SEMA3E: variants seen among roughly 807,000 people sequenced by gnomAD.
The protein encoded by SEMA3E is semaphorin 3E, also known as semaphorin-3E.
In SEMA3E, 49 loss-of-function variants were observed where a neutral mutation model predicts 93.6. The ratio of observed to expected loss-of-function variants is 0.52; its 90% CI spans 0.42 to 0.66. The LOEUF (loss-of-function observed/expected upper bound fraction) is 0.66. Among genes scored for constraint, SEMA3E ranks in the 30% least tolerant of loss-of-function variants. The pLI is 0.00. For synonymous variants in SEMA3E, 363 were observed against 330.7 expected, an observed-to-expected ratio of 1.10 and a Z score of -1.06; for missense variants, 906 against 964.8, an observed-to-expected ratio of 0.94 and a Z score of 0.81.
chr7:83,453,954 AC>A (rs1789420144), intron 4 of SEMA3E, among the ~76,000 whole-genome samples: 8 of 139,040 alleles, frequency 5.8e-5, no homozygotes, highest in South Asian at 2.3e-4. Context: ...TTTTATTTTT[AC>A]CTACTATTAA....
chr7:83,441,485 A>G (rs1373457909), intron 4 of SEMA3E, among the ~76,000 whole-genome samples: 1 of 152,212 alleles, frequency 6.6e-6, no homozygotes, highest in Non-Finnish European at 1.5e-5. Flanking sequence ...AAGAATTTAG[A>G]AAATAAGTAC....
At chr7:83,486,877 A>G (rs956768136) in intron 2 of SEMA3E, among the ~76,000 whole-genome samples, 12 of 152,070 alleles carry the variant, frequency 7.9e-5, no homozygotes, top group Non-Finnish European at 1.5e-4. Flanking sequence ...CCCAAGTTGT[A>G]TACATTTTGG....
chr7:83,538,034 T>A (rs1299752094), intron 1 of SEMA3E, among the ~76,000 whole-genome samples: 1 of 152,206 alleles, frequency 6.6e-6, no homozygotes, highest in Non-Finnish European at 1.5e-5. Context: ...TACATCCAAG[T>A]AGTAGCATAT....
Position 83,436,841 on chromosome 7 carries a change from G to T in SEMA3E, c.457-18358C>A, listed in dbSNP as rs909599324. On this transcript the variant is annotated intron_variant, in intron 4 of 16. Coordinates refer to ENST00000643230, the MANE Select transcript of SEMA3E (RefSeq NM_012431.3). ...TCTATATGGGTGGTTGTATTAGTCC[G>T]TTTTTATGCTGCTGATGAAGACATA... 2.0e-5 allele frequency among the ~76,000 whole-genome samples: 3 copies of T among 152,110 alleles called. No homozygotes were observed. The South Asian group carries it at 6.2e-4, about 32-fold the overall frequency.
intron 2 of SEMA3E, among the ~76,000 whole-genome samples, chr7:83,484,993 G>A (rs941310382): frequency 6.6e-6 from 1 of 152,168 alleles, no homozygotes; most frequent in African/African-American, 2.4e-5. Flanking sequence ...AGTGATGGAA[G>A]TGGAACTCTG....
At chr7:83,575,962 A>T (rs1166549407) in intron 1 of SEMA3E, among the ~76,000 whole-genome samples, 2 of 152,198 alleles carry the variant, frequency 1.3e-5, no homozygotes, top group Admixed American at 1.3e-4. Context: ...ATTGAATTGC[A>T]TAGTTTTAAG....
At chr7:83,600,486 ATTTTTTTTTTTTTTT>A (rs71522671) in intron 1 of SEMA3E, among the ~76,000 whole-genome samples, 27 of 63,076 alleles carry the variant, frequency 4.3e-4, no homozygotes, top group Non-Finnish European at 7.1e-4. Context: ...CGCCCAGCTA[ATTTTTTTTTTTTTTT>A]TTTTTTTTTT....
chr7:83,370,496 A>T (rs751567197), intron 16 of SEMA3E, among the ~76,000 whole-genome samples: 2 of 152,070 alleles, frequency 1.3e-5, no homozygotes, highest in Non-Finnish European at 2.9e-5. Flanking sequence ...TTAAATTCTC[A>T]TACCTTATAA....
intron 1 of SEMA3E, among the ~76,000 whole-genome samples, chr7:83,557,235 T>A (rs1357346491): frequency 6.6e-6 from 1 of 151,946 alleles, no homozygotes; most frequent in Non-Finnish European, 1.5e-5. Flanking sequence ...ATTTCTTCAA[T>A]TAAATGCTTT....
intron 1 of SEMA3E, among the ~76,000 whole-genome samples, chr7:83,623,429 GT>G (rs1316942851): frequency 6.6e-6 from 1 of 152,024 alleles, no homozygotes; most frequent in Admixed American, 6.6e-5. Context: ...AAAATAACCT[GT>G]GTGTTCAAAT....
chr7:83,405,984 G>A lies in SEMA3E; in HGVS notation c.889C>T (p.Pro297Ser), dbSNP rs757970700. 8 of 1,613,096 alleles carry A rather than the reference G, an allele frequency of 5.0e-6. No homozygotes were observed. The highest frequency in any genetic ancestry group is 1.7e-4 in the Middle Eastern group (1 of 6,058). The part of the protein sequence containing the change: ...FLKARLVCSV[P>S]GMNGIDTYFD... ...TATGTGTCAATTCCATTCATTCCTG[G>A]TACTGAGCAAACGAGTCTCGCTTTT... is the stretch of plus-strand genomic sequence containing the variant. Residue 297 changes from proline to serine, a missense_variant, in exon 8 of 17, where the codon CCA becomes TCA. Transcript: ENST00000643230.
At chr7:83,452,943 G>C (rs957564489) in intron 4 of SEMA3E, among the ~76,000 whole-genome samples, 1 of 152,130 alleles carries the variant, frequency 6.6e-6, no homozygotes, top group African/African-American at 2.4e-5. Context: ...AAACAATGTA[G>C]AAAATGGCAT....
intron 9 of SEMA3E, among the ~76,000 whole-genome samples, chr7:83,403,778 T>G (rs1401460687): frequency 6.6e-6 from 1 of 151,908 alleles, no homozygotes; most frequent in Non-Finnish European, 1.5e-5. Flanking sequence ...TTGAAGCAAT[T>G]GGAAATGCCT....
chr7:83,644,680 G>T (rs1363055566), intron 1 of SEMA3E, among the ~76,000 whole-genome samples: 2 of 151,772 alleles, frequency 1.3e-5, no homozygotes, highest in Non-Finnish European at 2.9e-5. Flanking sequence ...TGGAGTAGAG[G>T]CCTCTGATTT....
intron 1 of SEMA3E, among the ~76,000 whole-genome samples, chr7:83,494,487 T>C (rs1292027971): frequency 6.6e-6 from 1 of 151,796 alleles, no homozygotes; most frequent in African/African-American, 2.4e-5. Flanking sequence ...ACATCAAAAT[T>C]CACTCCACCA....
chr7:83,595,048 C>T (rs1327262632), intron 1 of SEMA3E, among the ~76,000 whole-genome samples: 1 of 151,666 alleles, frequency 6.6e-6, no homozygotes, highest in East Asian at 1.9e-4. Flanking sequence ...GTGTAGTTAT[C>T]TCATCACCAG....
At chr7:83,503,826 T>C (rs915899996) in intron 1 of SEMA3E, among the ~76,000 whole-genome samples, 1 of 152,194 alleles carries the variant, frequency 6.6e-6, no homozygotes, top group African/African-American at 2.4e-5. Flanking sequence ...CTGACCTAAA[T>C]GTTGCTACGT....
chr7:83,450,452 C>A (rs1004824859), intron 4 of SEMA3E, among the ~76,000 whole-genome samples: 1 of 152,142 alleles, frequency 6.6e-6, no homozygotes, highest in Non-Finnish European at 1.5e-5. Flanking sequence ...AAACTACACA[C>A]AACATAGATC....
intron 4 of SEMA3E, among the ~76,000 whole-genome samples, chr7:83,428,878 ATAT>A (rs760070675): frequency 3.3e-5 from 5 of 152,140 alleles, no homozygotes; most frequent in Non-Finnish European, 7.4e-5. Flanking sequence ...TTTTCCACAA[ATAT>A]TATTTTCTTT....
Sources: allele counts gnomAD v4.1 joint callset (sites outside exome capture counted in the v4.1 genomes callset), GRCh38; gene constraint gnomAD v4.1.1; transcripts MANE v1.5; gene names NCBI Gene and HGNC (gene_info 2026-07-23, HGNC 2026-07-21).